Variants in NBEA observed in about 807,000 individuals in gnomAD.
NBEA encodes neurobeachin.
In NBEA, 44 loss-of-function variants were observed where a neutral mutation model predicts 343.4. The observed-to-expected ratio is 0.13, with a 90% CI of 0.10 to 0.16. The LOEUF (loss-of-function observed/expected upper bound fraction) is 0.16. Ranked by LOEUF, NBEA falls within the 10% of genes least tolerant of loss-of-function variation. NBEA has a pLI of 1.00. For synonymous variants in NBEA, 1,175 were observed against 1,238.7 expected (o/e 0.95, Z 1.08); for missense variants, 2,555 against 3,631.3 (o/e 0.70, Z 7.62).
At chr13:35,003,216 A>G (rs1309607036) in intron 1 of NBEA, among the ~76,000 whole-genome samples, 1 of 152,162 alleles carries the variant, frequency 6.6e-6, no homozygotes, top group Admixed American at 6.6e-5. Context: ...CTACAAAACA[A>G]AAACCAAAAA....
At position 35,208,736 on chromosome 13, in the gene NBEA, T is replaced by C. The variant is rs762252086; in HGVS notation, c.5403T>C (p.Gly1801=). ...VVVPVKKPPP[G]SLAVTTVGAT... ...TGCCTGTAAAGAAACCACCTCCAGG[T>C]AGTTTAGCTGTAACCACTGTGGGAG... Residue 1801 remains glycine (G), a synonymous_variant, in exon 32 of 59, where the codon GGT becomes GGC. Coordinates refer to ENST00000379939, the MANE Select transcript of NBEA (RefSeq NM_001385012.1). 3 of 1,609,124 alleles carry C rather than the reference T, an allele frequency of 1.9e-6. No homozygotes were observed. The African/African-American group carries it at 4.0e-5, about 22-fold the overall frequency.
At chr13:35,236,998 A>T (rs925109125) in intron 34 of NBEA, among the ~76,000 whole-genome samples, 1 of 152,068 alleles carries the variant, frequency 6.6e-6, no homozygotes, top group African/African-American at 2.4e-5. Context: ...TTTGCATAGG[A>T]TATTATTTTT....
In NBEA at chr13:35,436,218, T is replaced by G. The variant is rs540076015; in HGVS notation, c.6304+3825T>G. On this transcript the variant is annotated intron_variant, in intron 39 of 58. Coordinates refer to ENST00000379939, the MANE Select transcript of NBEA (RefSeq NM_001385012.1). ...TCTGCCGTTAAACATTTAAATGTGT[T>G]TAAGTATTTTGAAGTCTGGCATTGT... Among the ~76,000 whole-genome samples, 443 of 152,314 alleles carry G rather than the reference T, an allele frequency of 2.9e-3. 2 individuals carry two copies. Among genetic ancestry groups the G allele is most frequent in the African/African-American group, 9.2e-3 (382 of 41,570 alleles).
chr13:35,504,750 A>G (rs1370173581), intron 41 of NBEA, among the ~76,000 whole-genome samples: 1 of 151,952 alleles, frequency 6.6e-6, no homozygotes, highest in Admixed American at 6.6e-5. Flanking sequence ...CTGGGATTAT[A>G]GGCGTGCCCC....
chr13:35,036,214 A>G (rs1419801812), intron 1 of NBEA, among the ~76,000 whole-genome samples: 5 of 151,998 alleles, frequency 3.3e-5, no homozygotes, highest in African/African-American at 2.4e-5. Flanking sequence ...CTATCTTATC[A>G]TTCATTATTT....
At chr13:35,270,172 AT>A (rs2034017509) in intron 34 of NBEA, among the ~76,000 whole-genome samples, 1 of 152,186 alleles carries the variant, frequency 6.6e-6, no homozygotes, top group South Asian at 2.1e-4. Context: ...GTTGACAAAG[AT>A]TTTTTTCATT....
intron 18 of NBEA, among the ~76,000 whole-genome samples, chr13:35,144,271 A>ATAT (rs2068277069): frequency 1.3e-5 from 2 of 152,188 alleles, no homozygotes. Context: ...GATGGATGGA[A>ATAT]TATTCATAAA....
rs1025131836 is a variant in NBEA at position 35,208,818 on chromosome 13, A to G, written c.5485A>G (p.Thr1829Ala). ...TGSTSNIFAA[T>A]GATPKSMINT... ...CAGTACCTCTAATATATTTGCTGCT[A>G]CTGGAGCTACACCAAAAAGTATGAT... Residue 1829 changes from threonine (T) to alanine (A), a missense_variant, in exon 32 of 59, where the codon ACT becomes GCT. Coordinates refer to ENST00000379939, the MANE Select transcript of NBEA (RefSeq NM_001385012.1). 6 of 1,607,616 alleles carry G rather than the reference A, an allele frequency of 3.7e-6. No homozygotes were observed. The highest frequency in any genetic ancestry group is 3.4e-5 in the Admixed American group (2 of 59,446).
chr13:35,190,482 C>G (rs9600249), intron 30 of NBEA, among the ~76,000 whole-genome samples: 1 of 152,110 alleles, frequency 6.6e-6, no homozygotes, highest in African/African-American at 2.4e-5. Context: ...CACACAGAGC[C>G]TGTGGCAAAG....
At chr13:35,115,548 T>C (rs1045863864) in intron 13 of NBEA, among the ~76,000 whole-genome samples, 2 of 152,142 alleles carry the variant, frequency 1.3e-5, no homozygotes, top group Non-Finnish European at 2.9e-5. Flanking sequence ...TATTTATGTA[T>C]GTATTACTAA....
chr13:35,259,360 T>C (rs2032990961), intron 34 of NBEA, among the ~76,000 whole-genome samples: 2 of 152,170 alleles, frequency 1.3e-5, no homozygotes, highest in South Asian at 4.1e-4. Context: ...TCAATTTTGT[T>C]AACAGGTATC....
intron 48 of NBEA, among the ~76,000 whole-genome samples, chr13:35,609,743 C>T (rs1245699018): frequency 6.6e-6 from 1 of 152,120 alleles, no homozygotes; most frequent in African/African-American, 2.4e-5. Context: ...TTACCAATAG[C>T]AAATTTCAGT....
chr13:35,373,707 AAAT>A lies in NBEA; in HGVS notation c.6179+21405_6179+21407del, dbSNP rs60612475. On this transcript the variant is annotated intron_variant, in intron 38 of 58. Transcript: ENST00000379939. ...GTGACAGAGGGAGACACTGTCTCAAAAATAATAATAATAATAATAATAACAAAA... is the reference window on the plus strand; with the variant it reads ...GTGACAGAGGGAGACACTGTCTCAAAAATAATAATAATAATAATAACAAAA... Among the ~76,000 whole-genome samples the A allele has an allele frequency of 2.7e-3, 399 of 149,794 alleles. 2 individuals carry two copies. The highest frequency in any genetic ancestry group is 8.0e-3 in the African/African-American group (321 of 40,322).
At chr13:35,563,148 T>TAG (rs374787720) in intron 44 of NBEA, among the ~76,000 whole-genome samples, 14 of 101,372 alleles carry the variant, frequency 1.4e-4, no homozygotes, top group South Asian at 6.0e-4. Context: ...GATAGATAGA[T>TAG]AGATAGATAG....
chr13:35,302,428 T>C (rs536113004), intron 35 of NBEA, among the ~76,000 whole-genome samples: 1 of 152,178 alleles, frequency 6.6e-6, no homozygotes, highest in Non-Finnish European at 1.5e-5. Flanking sequence ...ACTTGGTAAA[T>C]TGAAATTATG....
chr13:35,031,590 C>A (rs530525212), intron 1 of NBEA, among the ~76,000 whole-genome samples: 56 of 151,440 alleles, frequency 3.7e-4, no homozygotes, highest in African/African-American at 1.3e-3. Context: ...TCCCATTGTG[C>A]CTAAGTACTT....
At chr13:35,263,935 T>C (rs1289623155) in intron 34 of NBEA, among the ~76,000 whole-genome samples, 1 of 147,842 alleles carries the variant, frequency 6.8e-6, no homozygotes, top group East Asian at 2.0e-4. Flanking sequence ...CGAGCAGAAA[T>C]AGATGAAATA....
intron 36 of NBEA, among the ~76,000 whole-genome samples, chr13:35,348,058 A>C (rs988738787): frequency 2.0e-5 from 3 of 152,120 alleles, no homozygotes; most frequent in African/African-American, 7.2e-5. Flanking sequence ...AGGAAGTCAC[A>C]GGGCAAGTCC....
At chr13:35,532,385 A>C (rs1348183781) in intron 41 of NBEA, among the ~76,000 whole-genome samples, 2 of 152,266 alleles carry the variant, frequency 1.3e-5, no homozygotes, top group South Asian at 2.1e-4. Context: ...AATGGAGAGA[A>C]AAAGGGGTAT....
Sources: allele counts gnomAD v4.1 joint callset (sites outside exome capture counted in the v4.1 genomes callset), GRCh38; gene constraint gnomAD v4.1.1; transcripts MANE v1.5; gene names NCBI Gene and HGNC (gene_info 2026-07-23, HGNC 2026-07-21).